The following MSRA variants were observed in gnomAD, a reference collection of about 807,000 sequenced individuals.
MSRA encodes mitochondrial peptide methionine sulfoxide reductase.
MSRA carries 54 observed loss-of-function variants against 31.3 expected under a neutral mutation model. That is an observed-to-expected ratio of 1.73 (90% CI 1.39 to 2.17). The LOEUF (loss-of-function observed/expected upper bound fraction) is 2.17. Ranked by LOEUF, MSRA falls within the 30% of genes most tolerant of loss-of-function variation. The pLI, the probability that MSRA is intolerant of heterozygous loss-of-function variation, is 0.00. For missense variants in MSRA, 507 were observed against 300.9 expected, an observed-to-expected ratio of 1.69 and a Z score of -5.07; for synonymous variants, 169 against 116.5, an observed-to-expected ratio of 1.45 and a Z score of -2.90.
intron 1 of MSRA, among the ~76,000 whole-genome samples, chr8:10,057,894 G>A (rs1802484933): frequency 6.6e-6 from 1 of 152,140 alleles, no homozygotes; most frequent in Non-Finnish European, 1.5e-5. Context: ...GTTCTTTATA[G>A]CAGTGTGAAA....
intron 1 of MSRA, among the ~76,000 whole-genome samples, chr8:10,141,708 C>G (rs1174822030): frequency 6.6e-6 from 1 of 151,722 alleles, no homozygotes; most frequent in Admixed American, 6.6e-5. Flanking sequence ...CACCTCTTGA[C>G]AAATGCCTGC....
intron 1 of MSRA, among the ~76,000 whole-genome samples, chr8:10,188,192 T>G (rs1244805100): frequency 6.6e-6 from 1 of 152,236 alleles, no homozygotes; most frequent in African/African-American, 2.4e-5. Flanking sequence ...AGCCAGGAAA[T>G]GCACATTGGT....
chr8:10,409,078 A>T (rs1204203551), intron 5 of MSRA, among the ~76,000 whole-genome samples: 2 of 152,208 alleles, frequency 1.3e-5, no homozygotes, highest in Non-Finnish European at 2.9e-5. Context: ...CTTTGGGCAG[A>T]TGCCCAGCAG....
intron 3 of MSRA, among the ~76,000 whole-genome samples, chr8:10,280,313 C>A (rs1230204406): frequency 1.3e-5 from 2 of 151,964 alleles, no homozygotes; most frequent in African/African-American, 4.8e-5. Context: ...AGTTGTCATT[C>A]TCTTTTTAAC....
At chr8:10,280,388 A>G (rs1297396667) in intron 3 of MSRA, among the ~76,000 whole-genome samples, 1 of 146,558 alleles carries the variant, frequency 6.8e-6, no homozygotes, top group Non-Finnish European at 1.5e-5. Flanking sequence ...ATAGATTTCT[A>G]TTGCTGTATC....
At chr8:10,391,345 A>T (rs1301529825) in intron 5 of MSRA, among the ~76,000 whole-genome samples, 1 of 152,190 alleles carries the variant, frequency 6.6e-6, no homozygotes, top group Non-Finnish European at 1.5e-5. Flanking sequence ...GAGTTTCTTC[A>T]TCTGAAAATG....
At chr8:10,086,593 A>G (rs1798568179) in intron 1 of MSRA, among the ~76,000 whole-genome samples, 2 of 152,180 alleles carry the variant, frequency 1.3e-5, no homozygotes, top group Non-Finnish European at 2.9e-5. Flanking sequence ...ATTTTCCTCC[A>G]AAGCTTAGGT....
At chr8:10,295,328 T>A (rs1333147494) in intron 3 of MSRA, among the ~76,000 whole-genome samples, 4 of 151,934 alleles carry the variant, frequency 2.6e-5, no homozygotes, top group Non-Finnish European at 5.9e-5. Flanking sequence ...CTGCGCTGCC[T>A]CTCTCATTTC....
chr8:10,301,913 C>G (rs1378669072), intron 4 of MSRA, among the ~76,000 whole-genome samples: 6 of 152,174 alleles, frequency 3.9e-5, no homozygotes, highest in Non-Finnish European at 1.5e-5. Context: ...ATCCGTTCAC[C>G]TTTGATTATT....
chr8:10,177,525 G>A (rs925822055), intron 1 of MSRA, among the ~76,000 whole-genome samples: 2 of 152,182 alleles, frequency 1.3e-5, no homozygotes, highest in African/African-American at 4.8e-5. Context: ...GGGAGGAAAG[G>A]ATTGTGTTTT....
At chr8:10,279,057 G>C (rs1286809765) in intron 3 of MSRA, among the ~76,000 whole-genome samples, 1 of 152,122 alleles carries the variant, frequency 6.6e-6, no homozygotes, top group Admixed American at 6.5e-5. Flanking sequence ...TTGATTATCT[G>C]GGCATCATGC....
intron 5 of MSRA, among the ~76,000 whole-genome samples, chr8:10,343,864 A>G (rs1180510686): frequency 6.6e-6 from 1 of 152,236 alleles, no homozygotes; most frequent in Non-Finnish European, 1.5e-5. Context: ...GAAAATAATC[A>G]GCACTCCGTA....
intron 1 of MSRA, among the ~76,000 whole-genome samples, chr8:10,199,770 C>T (rs910401883): frequency 6.6e-6 from 1 of 152,168 alleles, no homozygotes; most frequent in Non-Finnish European, 1.5e-5. Flanking sequence ...CTTATTTCCT[C>T]ACTCTTTGGG....
rs142653961 is a variant in MSRA at position 10,054,624 on chromosome 8, C to T, written c.108C>T (p.Ala36=). Residue 36 remains alanine, a synonymous_variant, in exon 1 of 6, where the codon GCC becomes GCT. Coordinates refer to ENST00000317173, the MANE Select transcript of MSRA (RefSeq NM_012331.5). ...SASNIVSPQE[A]LPGRKEQTPV... is the part of the protein sequence containing the mutation. The stretch of plus-strand genomic sequence containing the variant: ...CGAACATCGTCAGCCCCCAGGAGGC[C>T]TTGCCGGGCCGGAAGGAACAGACCC... The T allele has an allele frequency of 7.0e-6, 11 of 1,577,064 alleles. No homozygotes were observed. Among genetic ancestry groups the T allele is most frequent in the South Asian group, 1.1e-5 (1 of 87,864 alleles).
At chr8:10,349,596 C>T (rs955803044) in intron 5 of MSRA, among the ~76,000 whole-genome samples, 2 of 152,222 alleles carry the variant, frequency 1.3e-5, no homozygotes, top group Non-Finnish European at 2.9e-5. Flanking sequence ...CTGGGAGCCT[C>T]CCCTGGCTCA....
At chr8:10,341,266 G>A (rs1585525682) in intron 5 of MSRA, among the ~76,000 whole-genome samples, 1 of 152,310 alleles carries the variant, frequency 6.6e-6, no homozygotes, top group Admixed American at 6.5e-5. Context: ...GGCTCCTAGG[G>A]AGGCCTCAGG....
intron 2 of MSRA, among the ~76,000 whole-genome samples, chr8:10,229,666 A>T (rs1811300076): frequency 6.6e-6 from 1 of 152,096 alleles, no homozygotes; most frequent in African/African-American, 2.4e-5. Flanking sequence ...CCCCTCAGTG[A>T]CTGTGAATAA....
intron 3 of MSRA, among the ~76,000 whole-genome samples, chr8:10,296,425 C>A (rs1180579401): frequency 6.6e-6 from 1 of 152,130 alleles, no homozygotes; most frequent in Non-Finnish European, 1.5e-5. Flanking sequence ...CAGATGACCT[C>A]ATTTAATCTT....
chr8:10,093,898 G>A (rs983935968), intron 1 of MSRA, among the ~76,000 whole-genome samples: 11 of 152,148 alleles, frequency 7.2e-5, no homozygotes, highest in African/African-American at 2.4e-5. Context: ...TTGGTTGACA[G>A]TTATTTTCCT....
Sources: gnomAD v4.1 joint callset for allele counts (sites outside exome capture counted in the v4.1 genomes callset) on GRCh38, gnomAD v4.1.1 for gene constraint, MANE v1.5 for transcripts, NCBI Gene and HGNC (gene_info 2026-07-23, HGNC 2026-07-21) for gene names.